Variants in FGF12 observed in about 807,000 individuals in gnomAD.
FGF12 encodes fibroblast growth factor 12B.
A neutral mutation model predicts 23.6 loss-of-function variants in FGF12; 14 were observed. The ratio of observed to expected loss-of-function variants is 0.59; its 90% CI spans 0.39 to 0.93. FGF12 has a LOEUF of 0.93. FGF12 is among the 40% of genes least tolerant of loss of function. The pLI, the probability that FGF12 is intolerant of heterozygous loss-of-function variation, is 0.00. For missense variants in FGF12, 175 were observed against 217.8 expected (o/e 0.80, Z 1.24); for synonymous variants, 62 against 77.3 (o/e 0.80, Z 1.04).
intron 4 of FGF12, among the ~76,000 whole-genome samples, chr3:192,255,595 G>C (rs945513752): frequency 1.3e-5 from 2 of 152,000 alleles, no homozygotes; most frequent in African/African-American, 4.8e-5. Flanking sequence ...CATATCACAT[G>C]TAAGCACAAC....
Position 192,514,842 on chromosome 3 carries a change from G to A in FGF12, c.14-154304C>T. On this transcript the variant is annotated intron_variant, in intron 2 of 5. Transcript: ENST00000445105. The surrounding 1 kb of genome is among the most constrained non-coding windows in gnomAD (Gnocchi z 4.9). ...AACAGGCGGCCTGTCTTCGGAAGCC[G>A]GGTCCCGAGTCCATCGCGCGCGCCC... is the stretch of plus-strand genomic sequence containing the variant. 1 of 985,324 alleles carries A rather than the reference G, an allele frequency of 1.0e-6. No individual in the cohort carries two copies. The highest frequency in any genetic ancestry group is 1.2e-6 in the Non-Finnish European group (1 of 829,896). 61.0% of individuals were successfully genotyped at this position (985,324 alleles called of 1,614,324 possible).
At chr3:192,583,225 G>A (rs543180063) in intron 2 of FGF12, among the ~76,000 whole-genome samples, 1 of 152,260 alleles carries the variant, frequency 6.6e-6, no homozygotes, top group East Asian at 1.9e-4. Flanking sequence ...AATATCACTG[G>A]CTTCGTGCTC....
chr3:192,234,139 C>T (rs1258968356), intron 4 of FGF12, among the ~76,000 whole-genome samples: 1 of 152,020 alleles, frequency 6.6e-6, no homozygotes, highest in Admixed American at 6.5e-5. Context: ...CTGTAAATTA[C>T]TTTGGGAAGT....
intron 2 of FGF12, among the ~76,000 whole-genome samples, chr3:192,541,021 T>C (rs1560144501): frequency 6.6e-6 from 1 of 152,184 alleles, no homozygotes; most frequent in Non-Finnish European, 1.5e-5. Flanking sequence ...TCAGTTTATG[T>C]GTGTCTTTAT....
chr3:192,366,159 G>A (rs1198206121), intron 2 of FGF12, among the ~76,000 whole-genome samples: 1 of 152,006 alleles, frequency 6.6e-6, no homozygotes, highest in Non-Finnish European at 1.5e-5. Flanking sequence ...AAAACTGAGG[G>A]TTGGGGAGCA....
rs182982697 is a variant in FGF12 at position 192,233,187 on chromosome 3, C to T, written c.229-62531G>A. 8.1e-4 allele frequency among the ~76,000 whole-genome samples: 124 copies of T among 152,248 alleles called. 3 individuals are homozygous for T. In the East Asian group the frequency reaches 0.023, roughly 28 times the overall value. Reference sequence around the variant, plus strand: ...TTCCACCAGGAGTGTATAAGCATTCCCTTTTTTCCACAACCCCACCAGCAT... The same window carrying T: ...TTCCACCAGGAGTGTATAAGCATTCTCTTTTTTCCACAACCCCACCAGCAT... On this transcript the variant is annotated intron_variant, in intron 4 of 5. Coordinates refer to ENST00000445105, the MANE Select transcript of FGF12 (RefSeq NM_004113.6).
intron 4 of FGF12, among the ~76,000 whole-genome samples, chr3:192,203,905 T>G (rs1241856119): frequency 1.3e-5 from 2 of 152,102 alleles, no homozygotes; most frequent in African/African-American, 4.8e-5. Context: ...TGCCCAGCAA[T>G]TTACTTTCTT....
chr3:192,293,288 G>A (rs1263623362), intron 4 of FGF12, among the ~76,000 whole-genome samples: 1 of 152,036 alleles, frequency 6.6e-6, no homozygotes, highest in Admixed American at 6.6e-5. Flanking sequence ...TTTCTCTTGG[G>A]AAATAAAAGA....
chr3:192,213,510 T>C (rs1393785348), intron 4 of FGF12, among the ~76,000 whole-genome samples: 2 of 152,172 alleles, frequency 1.3e-5, no homozygotes, highest in African/African-American at 4.8e-5. Flanking sequence ...CCAGAGTAAG[T>C]ATTATTTTTC....
At chr3:192,635,378 T>C (rs180792048) in intron 2 of FGF12, among the ~76,000 whole-genome samples, 1 of 152,320 alleles carries the variant, frequency 6.6e-6, no homozygotes, top group Admixed American at 6.5e-5. Flanking sequence ...CTGAAATCCC[T>C]ACATATACAC....
chr3:192,668,323 T>C (rs1239731808), intron 2 of FGF12, among the ~76,000 whole-genome samples: 1 of 152,134 alleles, frequency 6.6e-6, no homozygotes, highest in East Asian at 1.9e-4. Context: ...AAAACTACTA[T>C]TCTACGGGGA....
At chr3:192,299,248 G>C (rs1489904225) in intron 4 of FGF12, among the ~76,000 whole-genome samples, 1 of 152,158 alleles carries the variant, frequency 6.6e-6, no homozygotes, top group Non-Finnish European at 1.5e-5. Context: ...TAGCTTTCCT[G>C]CCACCACCAA....
chr3:192,544,662 T>C (rs1271270633), intron 2 of FGF12, among the ~76,000 whole-genome samples: 1 of 152,232 alleles, frequency 6.6e-6, no homozygotes, highest in Non-Finnish European at 1.5e-5. Flanking sequence ...TTTACAATTT[T>C]TTTTTATAGA....
intron 4 of FGF12, among the ~76,000 whole-genome samples, chr3:192,221,273 C>T (rs796820984): frequency 2.9e-4 from 44 of 152,104 alleles, no homozygotes; most frequent in African/African-American, 9.4e-4. Context: ...CTTCATGTTC[C>T]GGAGCCTTCT....
At chr3:192,699,446 C>T (rs752101343) in intron 2 of FGF12, among the ~76,000 whole-genome samples, 3 of 152,116 alleles carry the variant, frequency 2.0e-5, no homozygotes, top group Non-Finnish European at 2.9e-5. Flanking sequence ...AATAACTATT[C>T]GGTCATGGTG....
intron 2 of FGF12, among the ~76,000 whole-genome samples, chr3:192,505,403 A>G (rs183339313): frequency 6.6e-6 from 1 of 152,338 alleles, no homozygotes; most frequent in Admixed American, 6.5e-5. Context: ...ATATTTCAAT[A>G]TATGTACCTC....
At chr3:192,348,460 A>G (rs2108718660) in intron 3 of FGF12, among the ~76,000 whole-genome samples, 1 of 152,310 alleles carries the variant, frequency 6.6e-6, no homozygotes, top group Non-Finnish European at 1.5e-5. Context: ...ATAATGGTTT[A>G]TTATCTCTAA....
intron 2 of FGF12, among the ~76,000 whole-genome samples, chr3:192,711,921 A>G (rs1718696846): frequency 6.8e-6 from 1 of 147,694 alleles, no homozygotes; most frequent in Admixed American, 6.8e-5. Flanking sequence ...CCCCTCTGCG[A>G]GAAACACCCA....
intron 4 of FGF12, among the ~76,000 whole-genome samples, chr3:192,180,489 A>G (rs961953420): frequency 3.3e-5 from 5 of 152,160 alleles, no homozygotes; most frequent in African/African-American, 1.2e-4. Context: ...CAGGAAAATC[A>G]TGGCAAGATA....
Sources: allele counts gnomAD v4.1 joint callset (sites outside exome capture counted in the v4.1 genomes callset), GRCh38; gene constraint gnomAD v4.1.1; non-coding constraint Gnocchi (gnomAD v3.1); transcripts MANE v1.5; gene names NCBI Gene and HGNC (gene_info 2026-07-23, HGNC 2026-07-21).